Variants in ELAVL2 observed in about 807,000 individuals in gnomAD.
ELAVL2 encodes ELAV like RNA binding protein 2.
In ELAVL2, 4 loss-of-function variants were observed where a neutral mutation model predicts 34.6. The ratio of observed to expected loss-of-function variants is 0.12; its 90% CI spans 0.06 to 0.26. The LOEUF is 0.26. Ranked by LOEUF, ELAVL2 falls within the 10% of genes least tolerant of loss-of-function variation. The probability of loss-of-function intolerance (pLI) is 1.00; values close to 1 mark genes in which losing one functional copy is unlikely to be tolerated. For synonymous variants in ELAVL2, 193 were observed against 154.8 expected, an observed-to-expected ratio of 1.25 and a Z score of -1.83; for missense variants, 432 against 442.8, an observed-to-expected ratio of 0.98 and a Z score of 0.22.
the ELAVL2 span, among the ~76,000 whole-genome samples, chr9:23,835,612 AT>A: frequency 6.6e-6 from 1 of 152,182 alleles, no homozygotes; most frequent in African/African-American, 2.4e-5. Context: ...AACAAAATGT[AT>A]AACTAATGTC....
rs546766595 is a variant in ELAVL2, at chr9:23,745,341, C to T, written c.230-14216G>A. ...ATACAAAGATTTTCTGTGTAATCCT[C>T]TATAACCTGGTATTATCTTGGCCAG... is the stretch of plus-strand genomic sequence containing the variant. On this transcript the variant is annotated intron_variant, in intron 2 of 6. Transcript: ENST00000397312. 3.9e-5 allele frequency among the ~76,000 whole-genome samples: 6 copies of T among 152,318 alleles called. No homozygotes were observed. In the South Asian group the frequency reaches 1.2e-3, roughly 32 times the overall value.
intron 2 of ELAVL2, among the ~76,000 whole-genome samples, chr9:23,754,199 C>A (rs1462238555): frequency 6.6e-6 from 1 of 152,028 alleles, no homozygotes; most frequent in East Asian, 1.9e-4. Flanking sequence ...ATATCAATAT[C>A]AGGAAATCAG....
intron 1 of ELAVL2, among the ~76,000 whole-genome samples, chr9:23,807,992 A>T (rs977686100): frequency 3.3e-5 from 5 of 152,158 alleles, no homozygotes; most frequent in Non-Finnish European, 7.4e-5. Flanking sequence ...GGTTTCTCGT[A>T]AAAAATATAA....
At chr9:23,719,118 T>C (rs1271443019) in intron 3 of ELAVL2, among the ~76,000 whole-genome samples, 1 of 152,214 alleles carries the variant, frequency 6.6e-6, no homozygotes, top group Non-Finnish European at 1.5e-5. Flanking sequence ...CTACCACCTT[T>C]ATCTTTGTTC....
intron 1 of ELAVL2, among the ~76,000 whole-genome samples, chr9:23,824,198 C>T (rs116451668): frequency 6.6e-6 from 1 of 152,314 alleles, no homozygotes; most frequent in Admixed American, 6.5e-5. Flanking sequence ...CTAACCGGTA[C>T]TTGAAAATGG....
chr9:23,701,890 T>C (rs1435791796), intron 4 of ELAVL2, among the ~76,000 whole-genome samples: 1 of 152,162 alleles, frequency 6.6e-6, no homozygotes, highest in Non-Finnish European at 1.5e-5. Context: ...AGCATGTCCA[T>C]GTTTTCTCTC....
intron 3 of ELAVL2, among the ~76,000 whole-genome samples, chr9:23,730,521 A>G (rs976363988): frequency 6.6e-6 from 1 of 151,884 alleles, no homozygotes; most frequent in African/African-American, 2.4e-5. Flanking sequence ...TTTGTAATAC[A>G]TAAACATCTT....
intron 4 of ELAVL2, 68 bp from the exon 5 acceptor site, chr9:23,701,672 G>A (rs919354656): frequency 1.1e-5 from 16 of 1,507,006 alleles, no homozygotes. Context: ...GAGAAGAAAG[G>A]ACACATTAAT....
chr9:23,824,859 G>T (rs752509713), intron 1 of ELAVL2, among the ~76,000 whole-genome samples: 5 of 152,194 alleles, frequency 3.3e-5, no homozygotes, highest in Non-Finnish European at 2.9e-5. Flanking sequence ...CGGTAAGGAG[G>T]GGGTGAGGGC....
chr9:23,826,997 G>A (rs1411749574), upstream of ELAVL2, among the ~76,000 whole-genome samples: 1 of 152,194 alleles, frequency 6.6e-6, no homozygotes, highest in East Asian at 1.9e-4. Flanking sequence ...AAGCTGCACG[G>A]TTTGAATTGG....
chr9:23,723,964 C>T (rs570616196), intron 3 of ELAVL2, among the ~76,000 whole-genome samples: 1 of 152,096 alleles, frequency 6.6e-6, no homozygotes, highest in East Asian at 1.9e-4. Context: ...TACACAGAAG[C>T]AATACTCACA....
intron 2 of ELAVL2, among the ~76,000 whole-genome samples, chr9:23,736,845 A>G (rs1044760252): frequency 6.6e-6 from 1 of 152,066 alleles, no homozygotes; most frequent in African/African-American, 2.4e-5. Flanking sequence ...GTTTCCAGTC[A>G]CTGTCAGTTT....
intron 1 of ELAVL2, among the ~76,000 whole-genome samples, chr9:23,777,486 C>T (rs1450481024): frequency 6.6e-6 from 1 of 152,134 alleles, no homozygotes; most frequent in Non-Finnish European, 1.5e-5. Context: ...TTCTGCCCCA[C>T]CCAAGCATGC....
intron 1 of ELAVL2, among the ~76,000 whole-genome samples, chr9:23,804,259 C>T (rs924041713): frequency 6.6e-6 from 1 of 151,772 alleles, no homozygotes; most frequent in African/African-American, 2.4e-5. Flanking sequence ...CAGCAACCTC[C>T]ACCTCCTGGG....
At chr9:23,762,668 ACT>A (rs1655867400) in intron 1 of ELAVL2, among the ~76,000 whole-genome samples, 2 of 152,054 alleles carry the variant, frequency 1.3e-5, no homozygotes, top group African/African-American at 4.8e-5. Context: ...GACCTACCTA[ACT>A]CTGAAGAGAT....
chr9:23,849,482 T>C, the ELAVL2 span: 1 of 152,260 alleles, frequency 6.6e-6, no homozygotes, highest in East Asian at 1.9e-4. Context: ...TTGTAGTAGC[T>C]GAGGATGACC....
intron 1 of ELAVL2, among the ~76,000 whole-genome samples, chr9:23,770,827 T>A (rs1279976604): frequency 6.6e-6 from 1 of 151,958 alleles, no homozygotes; most frequent in African/African-American, 2.4e-5. Context: ...TTGTTAGAGG[T>A]CTAACAGGAA....
At chr9:23,704,428 T>C (rs2038619692) in intron 4 of ELAVL2, among the ~76,000 whole-genome samples, 1 of 152,148 alleles carries the variant, frequency 6.6e-6, no homozygotes, top group Non-Finnish European at 1.5e-5. Flanking sequence ...ATTTTTAACA[T>C]TCAAAATTTC....
intron 5 of ELAVL2, among the ~76,000 whole-genome samples, chr9:23,699,814 T>A (rs1255288436): frequency 2.1e-4 from 4 of 19,338 alleles, no homozygotes; most frequent in Non-Finnish European, 3.5e-4. Flanking sequence ...TGGCAAAGGT[T>A]TTTTTTTTTT....
Sources: allele counts gnomAD v4.1 joint callset (sites outside exome capture counted in the v4.1 genomes callset), GRCh38; gene constraint gnomAD v4.1.1; transcripts MANE v1.5; gene names NCBI Gene and HGNC (gene_info 2026-07-23, HGNC 2026-07-21).